The following MIS18A variants were observed in gnomAD, a reference collection of about 807,000 sequenced individuals.
MIS18A encodes MIS18 kinetochore protein A.
Under a neutral mutation model 25.0 loss-of-function variants are expected in MIS18A, and 14 were observed. That is an observed-to-expected ratio of 0.56 (90% CI 0.37 to 0.88). The LOEUF (loss-of-function observed/expected upper bound fraction) is 0.88. Ranked by LOEUF, MIS18A falls within the 40% of genes least tolerant of loss-of-function variation. The pLI, the probability that MIS18A is intolerant of heterozygous loss-of-function variation, is 0.00. For synonymous variants in MIS18A, 134 were observed against 118.6 expected, an observed-to-expected ratio of 1.13 and a Z score of -0.84; for missense variants, 292 against 290.8, an observed-to-expected ratio of 1.00 and a Z score of -0.03.
chr21:32,163,328 T>A, the MIS18A span, among the ~76,000 whole-genome samples: 1 of 152,350 alleles, frequency 6.6e-6, no homozygotes, highest in African/African-American at 2.4e-5. Flanking sequence ...TCCTGCTGAA[T>A]CCTCCTGTTT....
chr21:32,205,927 G>A, the MIS18A span, among the ~76,000 whole-genome samples: 1 of 148,178 alleles, frequency 6.7e-6, no homozygotes, highest in East Asian at 2.0e-4. Context: ...GGGTTTGAGA[G>A]ACCCCCCCCA....
the MIS18A span, among the ~76,000 whole-genome samples, chr21:32,213,087 C>A: frequency 5.1e-4 from 77 of 152,262 alleles, no homozygotes; most frequent in Non-Finnish European, 9.1e-4. Flanking sequence ...ATTGGTACAA[C>A]CTTTAAGGTG....
Position 32,278,691 on chromosome 21 carries a change from G to T in MIS18A, c.324C>A (p.Ile108=). 6.4e-7 allele frequency: 1 copy of T among 1,560,328 alleles called. No homozygotes were observed. The highest frequency in any genetic ancestry group is 8.6e-7 in the Non-Finnish European group (1 of 1,158,584). ...CTCGACCCAACTGACAGCGAAGCAG[G>T]ATGCAGTTGGTGTCCTCCTGGCTGG... ...WVASQEDTNC[I]LLRCVSCNVS... The change falls in exon 1 of 5, where the codon ATC becomes ATA. Residue 108 remains isoleucine, a synonymous_variant. Transcript: ENST00000290130.
At chr21:32,171,286 G>T in the MIS18A span, among the ~76,000 whole-genome samples, 1 of 151,970 alleles carries the variant, frequency 6.6e-6, no homozygotes, top group Non-Finnish European at 1.5e-5. Context: ...ATTCATCAAA[G>T]TTGAATTCAA....
the MIS18A span, among the ~76,000 whole-genome samples, chr21:32,172,197 A>G: frequency 4.6e-5 from 7 of 152,104 alleles, no homozygotes; most frequent in African/African-American, 1.4e-4. Flanking sequence ...TGATAGGAAT[A>G]TAAATTGCTG....
At chr21:32,271,030 A>T (rs1210714731) in intron 2 of MIS18A, among the ~76,000 whole-genome samples, 1 of 151,498 alleles carries the variant, frequency 6.6e-6, no homozygotes, top group Non-Finnish European at 1.5e-5. Flanking sequence ...TTGGCTTAAT[A>T]AAAAAAAAGT....
chr21:32,272,227 C>T (rs905355035), intron 2 of MIS18A, among the ~76,000 whole-genome samples: 3 of 152,182 alleles, frequency 2.0e-5, no homozygotes, highest in Non-Finnish European at 2.9e-5. Flanking sequence ...TGTTAAGATC[C>T]TCAACAAAGG....
the MIS18A span, among the ~76,000 whole-genome samples, chr21:32,255,233 A>C: frequency 2.1e-4 from 32 of 150,836 alleles, no homozygotes; most frequent in South Asian, 6.5e-3. Context: ...TTTCTTGGGT[A>C]CTTTTTTTTT....
chr21:32,186,745 A>G, the MIS18A span, among the ~76,000 whole-genome samples: 1 of 152,202 alleles, frequency 6.6e-6, no homozygotes, highest in South Asian at 2.1e-4. Context: ...TTCTCATTAC[A>G]GTTATTTTGC....
At chr21:32,250,197 A>G in the MIS18A span, among the ~76,000 whole-genome samples, 1 of 152,130 alleles carries the variant, frequency 6.6e-6, no homozygotes, top group African/African-American at 2.4e-5. Context: ...CCAAATTGGA[A>G]ATCTTGATAT....
chr21:32,182,308 C>T, the MIS18A span, among the ~76,000 whole-genome samples: 18 of 152,196 alleles, frequency 1.2e-4, no homozygotes, highest in South Asian at 6.2e-4. Flanking sequence ...ACTTGATTCC[C>T]GTGGTCTACA....
Position 32,270,521 on chromosome 21 carries a change from T to C in MIS18A, c.410A>G (p.Glu137Gly). The C allele has an allele frequency of 6.4e-7, 1 of 1,564,540 alleles. No homozygotes were observed. Among genetic ancestry groups the C allele is most frequent in the South Asian group, 1.2e-5 (1 of 83,962 alleles). The part of the protein sequence containing the change: ...KREKENGCVL[E>G]TLCCAGCSLN... ...TGAGCACCCCGCGCAGCACAAAGTC[T>C]CAAGGACGCTGCAATAAAGAAATGT... The change falls in exon 3 of 5, where the codon GAG becomes GGG. Residue 137 changes from glutamate to glycine, a missense_variant. Coordinates refer to ENST00000290130, the MANE Select transcript of MIS18A (RefSeq NM_018944.3).
At chr21:32,265,517 G>A (rs372721519), downstream of MIS18A, among the ~76,000 whole-genome samples, 31 of 152,320 alleles carry the variant, frequency 2.0e-4, no homozygotes, top group East Asian at 9.7e-4. Flanking sequence ...CAGCAGTGCC[G>A]GCCCACCGGC....
At chr21:32,214,441 C>T in the MIS18A span, among the ~76,000 whole-genome samples, 12 of 145,326 alleles carry the variant, frequency 8.3e-5, no homozygotes, top group African/African-American at 3.1e-4. Context: ...TTTGGTGCTG[C>T]GCTTTCCAAA....
At chr21:32,241,683 C>A in the MIS18A span, among the ~76,000 whole-genome samples, 37 of 152,314 alleles carry the variant, frequency 2.4e-4, no homozygotes, top group African/African-American at 8.9e-4. Flanking sequence ...ATTCTTTCCT[C>A]CCCTGGCAGG....
the MIS18A span, among the ~76,000 whole-genome samples, chr21:32,202,968 C>T: frequency 6.6e-6 from 1 of 152,254 alleles, no homozygotes; most frequent in Admixed American, 6.5e-5. Flanking sequence ...TAAGACCCTG[C>T]TTTCAATTAT....
the MIS18A span, among the ~76,000 whole-genome samples, chr21:32,174,385 A>G: frequency 6.6e-6 from 1 of 152,204 alleles, no homozygotes; most frequent in African/African-American, 2.4e-5. Context: ...GCACTAATCA[A>G]AAGAATGCTG....
At chr21:32,274,394 G>C (rs995727887) in intron 2 of MIS18A, among the ~76,000 whole-genome samples, 1 of 151,776 alleles carries the variant, frequency 6.6e-6, no homozygotes, top group Non-Finnish European at 1.5e-5. Context: ...TAGTGGAGAC[G>C]GGGTTTTGCC....
rs57672040 is a variant in MIS18A at position 32,268,929 on chromosome 21, A to ATTTT, written c.*104_*107dup. On this transcript the variant is annotated 3_prime_UTR_variant, in exon 5 of 5. Coordinates refer to ENST00000290130, the MANE Select transcript of MIS18A (RefSeq NM_018944.3). ...CCTCAGCGTTTCGCATGCCTGGCTA[A>ATTTT]TTTTTTTTTTCTTTTTTTTTTTGTA... 9.6e-6 allele frequency: 7 copies of ATTTT among 732,504 alleles called. No individual in the cohort carries two copies. Among genetic ancestry groups the ATTTT allele is most frequent in the African/African-American group, 3.9e-5 (2 of 51,682 alleles). The allele number at this position is 732,504 out of a possible 1,614,324, so 45.4% of individuals were successfully genotyped here. A position where few individuals can be genotyped will look rare whatever the true frequency, so the allele number is the denominator to read the frequency against.
Sources: gnomAD v4.1 joint callset for allele counts (sites outside exome capture counted in the v4.1 genomes callset) on GRCh38, gnomAD v4.1.1 for gene constraint, MANE v1.5 for transcripts, NCBI Gene and HGNC (gene_info 2026-07-23, HGNC 2026-07-21) for gene names.